Variants in CDH8 observed in about 807,000 individuals in gnomAD.
The protein encoded by CDH8 is cadherin-8.
Under a neutral mutation model 68.1 loss-of-function variants are expected in CDH8, and 17 were observed. The ratio of observed to expected loss-of-function variants is 0.25; its 90% CI spans 0.17 to 0.37. The LOEUF is 0.37. CDH8 is among the 10% of genes least tolerant of loss of function. CDH8 has a pLI of 1.00. For missense variants in CDH8, 763 were observed against 999.3 expected (o/e 0.76, Z 3.19); for synonymous variants, 372 against 365.1 (o/e 1.02, Z -0.21).
chr16:61,987,317 G>A (rs11863851), intron 2 of CDH8, among the ~76,000 whole-genome samples: 6,103 of 152,016 alleles, frequency 0.04, 411 homozygotes, highest in African/African-American at 0.14. Context: ...CAGCCTGGCC[G>A]ACATGGTAAA....
intron 4 of CDH8, among the ~76,000 whole-genome samples, chr16:61,841,959 T>C (rs1962692668): frequency 6.6e-6 from 1 of 151,928 alleles, no homozygotes; most frequent in African/African-American, 2.4e-5. Context: ...ACGATCTCGG[T>C]TCACTGCAAG....
At chr16:61,669,456 C>T (rs918876443) in intron 10 of CDH8, among the ~76,000 whole-genome samples, 2 of 152,064 alleles carry the variant, frequency 1.3e-5, no homozygotes, top group Middle Eastern at 3.4e-3. Flanking sequence ...GTACGTGCAT[C>T]CTAGAATCTG....
chr16:61,762,549 A>G (rs192643395), intron 8 of CDH8, among the ~76,000 whole-genome samples: 52 of 152,260 alleles, frequency 3.4e-4, no homozygotes, highest in African/African-American at 1.2e-3. Context: ...CTAGTGGACT[A>G]CACTGCAGTA....
chr16:61,916,989 G>A (rs1964248821), intron 2 of CDH8, among the ~76,000 whole-genome samples: 1 of 151,970 alleles, frequency 6.6e-6, no homozygotes, highest in African/African-American at 2.4e-5. Flanking sequence ...AGAACTGAGG[G>A]TACTTTGAAA....
intron 1 of CDH8, among the ~76,000 whole-genome samples, chr16:62,030,795 T>C (rs1002768602): frequency 1.3e-5 from 2 of 152,112 alleles, no homozygotes; most frequent in African/African-American, 4.8e-5. Flanking sequence ...AAAATATCAA[T>C]AAACACATCC....
At chr16:61,945,431 C>T (rs974975351) in intron 2 of CDH8, among the ~76,000 whole-genome samples, 2 of 119,044 alleles carry the variant, frequency 1.7e-5, no homozygotes, top group African/African-American at 3.7e-5. Flanking sequence ...TGCCTAGATG[C>T]ATGATTAAAA....
At chr16:61,877,440 C>G (rs1166073551) in intron 3 of CDH8, among the ~76,000 whole-genome samples, 1 of 152,110 alleles carries the variant, frequency 6.6e-6, no homozygotes, top group African/African-American at 2.4e-5. Flanking sequence ...TTAATGATCT[C>G]TCATGTTCCT....
chr16:61,759,602 A>G (rs1960413225), intron 8 of CDH8, among the ~76,000 whole-genome samples: 2 of 152,158 alleles, frequency 1.3e-5, no homozygotes, highest in African/African-American at 4.8e-5. Context: ...ACTATTTACC[A>G]GTAACTGCCA....
At position 61,789,363 on chromosome 16, in the gene CDH8, A is replaced by G; in HGVS notation, c.1397T>C (p.Ile466Thr). The G allele has an allele frequency of 4.3e-6, 7 of 1,610,992 alleles. No homozygotes were observed. Among genetic ancestry groups the G allele is most frequent in the Non-Finnish European group, 4.2e-6 (5 of 1,178,558 alleles). Residue 466 changes from isoleucine to threonine, a missense_variant, in exon 8 of 12, where the codon ATC (isoleucine) becomes ACC (threonine). Transcript: ENST00000577390. ...RELSVWHNIT[I>T]IATEIRNHSQ... is the part of the protein sequence containing the mutation. ...GCACTTACTAATTTCAGTAGCAATGATTGTTATGTTGTGCCATACACTTAA... is the reference window on the plus strand; with the variant it reads ...GCACTTACTAATTTCAGTAGCAATGGTTGTTATGTTGTGCCATACACTTAA...
chr16:61,782,139 G>A (rs1020425108), intron 8 of CDH8, among the ~76,000 whole-genome samples: 6 of 152,132 alleles, frequency 3.9e-5, no homozygotes, highest in African/African-American at 1.4e-4. Flanking sequence ...CGTGAGCGAC[G>A]CAGAAGACGG....
chr16:61,847,329 T>G (rs1230181378), intron 4 of CDH8, among the ~76,000 whole-genome samples: 1 of 151,808 alleles, frequency 6.6e-6, no homozygotes, highest in Admixed American at 6.6e-5. Flanking sequence ...AAAAGAGAAA[T>G]TATGGCCTCA....
chr16:61,925,010 A>C (rs921758731), intron 2 of CDH8, among the ~76,000 whole-genome samples: 1 of 152,212 alleles, frequency 6.6e-6, no homozygotes, highest in Admixed American at 6.5e-5. Flanking sequence ...ATTATTATTC[A>C]GTCATAATTA....
At chr16:62,026,165 G>T (rs1031368905) in intron 1 of CDH8, among the ~76,000 whole-genome samples, 24 of 152,238 alleles carry the variant, frequency 1.6e-4, no homozygotes, top group African/African-American at 5.8e-4. Flanking sequence ...GCTTCCGAAT[G>T]ACCATTAACC....
At chr16:61,996,346 C>A (rs1237167829) in intron 2 of CDH8, among the ~76,000 whole-genome samples, 1 of 152,170 alleles carries the variant, frequency 6.6e-6, no homozygotes, top group African/African-American at 2.4e-5. Flanking sequence ...ACAAATTCTG[C>A]CCTCCTCGGA....
At chr16:61,809,103 T>C (rs1380577121) in intron 7 of CDH8, among the ~76,000 whole-genome samples, 1 of 151,998 alleles carries the variant, frequency 6.6e-6, no homozygotes, top group Non-Finnish European at 1.5e-5. Context: ...GGAGAATCGC[T>C]TGAACCCGGA....
At chr16:61,936,251 G>GA (rs1320308541) in intron 2 of CDH8, among the ~76,000 whole-genome samples, 1 of 151,926 alleles carries the variant, frequency 6.6e-6, no homozygotes, top group Non-Finnish European at 1.5e-5. Flanking sequence ...CCTGGTAAGA[G>GA]AAAAAAATAG....
At chr16:61,899,580 G>A (rs1376316930) in intron 3 of CDH8, among the ~76,000 whole-genome samples, 1 of 151,758 alleles carries the variant, frequency 6.6e-6, no homozygotes, top group African/African-American at 2.4e-5. Flanking sequence ...AGAGGAAGAG[G>A]GATAGGAAAA....
At chr16:61,945,328 TA>T (rs1335904637) in intron 2 of CDH8, among the ~76,000 whole-genome samples, 2 of 151,488 alleles carry the variant, frequency 1.3e-5, no homozygotes, top group Admixed American at 6.6e-5. Context: ...AGCTGCTTCT[TA>T]AAAAACGGTT....
intron 7 of CDH8, among the ~76,000 whole-genome samples, chr16:61,794,396 G>A (rs1567473476): frequency 6.6e-6 from 1 of 151,974 alleles, no homozygotes; most frequent in Admixed American, 6.6e-5. Flanking sequence ...GTAAAATGGG[G>A]ATTGTACCAT....
Sources: gnomAD v4.1 joint callset for allele counts (sites outside exome capture counted in the v4.1 genomes callset) on GRCh38, gnomAD v4.1.1 for gene constraint, MANE v1.5 for transcripts, NCBI Gene and HGNC (gene_info 2026-07-23, HGNC 2026-07-21) for gene names.